Variants in ABCA6 observed in about 807,000 individuals in gnomAD.
ABCA6 encodes ATP binding cassette subfamily A member 6, also known as ATP-binding cassette sub-family A member 6.
In ABCA6, 164 loss-of-function variants were observed where a neutral mutation model predicts 191.2. The observed-to-expected ratio is 0.86, with a 90% CI of 0.76 to 0.98. The LOEUF is 0.98. Among genes scored for constraint, ABCA6 ranks in the 50% least tolerant of loss-of-function variants. The pLI is 0.00. For synonymous variants in ABCA6, 636 were observed against 647.7 expected (o/e 0.98, Z 0.27); for missense variants, 1,958 against 1,894.1 (o/e 1.03, Z -0.63).
At chr17:69,110,417 C>A in intron 17 of ABCA6, 1 of 186,116 alleles carries the variant, frequency 5.4e-6, no homozygotes, top group Non-Finnish European at 1.1e-5. Flanking sequence ...CGTAGGCATC[C>A]CTTAATCAAC....
rs2073404087 is a variant in ABCA6, at chr17:69,110,633, G to A, written c.2272+168C>T. 4.2e-6 allele frequency: 3 copies of A among 711,810 alleles called. No homozygotes were observed. In the Admixed American group the frequency reaches 9.7e-5, roughly 23 times the overall value. 44.1% of individuals were successfully genotyped at this position (711,810 alleles called of 1,614,324 possible). A position where few individuals can be genotyped will look rare whatever the true frequency, so the allele number is the denominator to read the frequency against. ...CATTATCTGCTGGTGCTTCCACGAA[G>A]CAACTACCCAATAAATCAGTGGCAC... On this transcript the variant is annotated intron_variant, in intron 17 of 38. Transcript: ENST00000284425.
rs758265086 is a variant in ABCA6, at chr17:69,113,350, A to G, written c.1913T>C (p.Leu638Ser). 1 of 1,592,312 alleles carries G rather than the reference A, an allele frequency of 6.3e-7. No homozygotes were observed. Among genetic ancestry groups the G allele is most frequent in the Non-Finnish European group, 8.5e-7 (1 of 1,174,708 alleles). Residue 638 changes from leucine to serine, a missense_variant, in exon 15 of 39, where the codon TTA becomes TCA. Leu to Ser is a moderately radical substitution (Grantham distance 145). Coordinates refer to ENST00000284425, the MANE Select transcript of ABCA6 (RefSeq NM_080284.3). ...ATCCAATCCAGTAGTTGGTTCATCT[A>G]AAAGCAAAATCTACAGAGAATGAAG... ...TILGDPQILL[L>S]DEPTTGLDPF...
intron 37 of ABCA6, 66 bp from the exon 38 acceptor site, chr17:69,079,331 A>T (rs2072572509): frequency 1.6e-6 from 2 of 1,288,176 alleles, no homozygotes; most frequent in Non-Finnish European, 2.2e-6. Context: ...AATTTTTTCA[A>T]AATCATAAAG....
chr17:69,103,445 A>C (rs1323610826), intron 20 of ABCA6, among the ~76,000 whole-genome samples: 1 of 152,216 alleles, frequency 6.6e-6, no homozygotes, highest in Non-Finnish European at 1.5e-5. Context: ...ATTTACGTAC[A>C]TATTCCATAC....
intron 6 of ABCA6, among the ~76,000 whole-genome samples, chr17:69,131,607 G>T (rs1452594272): frequency 1.3e-5 from 2 of 152,040 alleles, no homozygotes; most frequent in African/African-American, 2.4e-5. Context: ...TATACTTAAA[G>T]AATAAATACT....
At chr17:69,112,134 A>G (rs1289046741) in intron 16 of ABCA6, 49 bp downstream of exon 16, 1 of 1,323,032 alleles carries the variant, frequency 7.6e-7, no homozygotes, top group Non-Finnish European at 1.1e-6. Flanking sequence ...CCTTTTTCAT[A>G]TACCAGTATT....
intron 23 of ABCA6, 129 bp from the exon 24 acceptor site, chr17:69,096,930 A>T (rs1451930089): frequency 1.6e-5 from 12 of 730,048 alleles, no homozygotes; most frequent in Non-Finnish European, 2.3e-5. Flanking sequence ...ATTAAAAAAA[A>T]TTATGCATAT....
At chr17:69,100,420 C>A (rs1454407400) in intron 22 of ABCA6, among the ~76,000 whole-genome samples, 1 of 152,152 alleles carries the variant, frequency 6.6e-6, no homozygotes, top group Non-Finnish European at 1.5e-5. Context: ...CACATTTAGT[C>A]AATGGAGGGT....
chr17:69,115,620 C>T, intron 11 of ABCA6, 134 bp from the exon 12 acceptor site: 1 of 522,954 alleles, frequency 1.9e-6, no homozygotes, highest in Admixed American at 3.5e-5. Context: ...CTTTAAAATA[C>T]ACAATGATCA....
At chr17:69,132,915 C>G (rs1173200424) in intron 6 of ABCA6, among the ~76,000 whole-genome samples, 2 of 151,934 alleles carry the variant, frequency 1.3e-5, no homozygotes, top group African/African-American at 4.8e-5. Context: ...TGTACACATG[C>G]TCATGTATGC....
intron 9 of ABCA6, among the ~76,000 whole-genome samples, chr17:69,124,159 T>C (rs914695372): frequency 2.0e-5 from 3 of 151,980 alleles, no homozygotes; most frequent in Non-Finnish European, 4.4e-5. Context: ...AAATATATTT[T>C]TCCAGTTTAA....
At chr17:69,127,384 G>T (rs912511572) in intron 8 of ABCA6, among the ~76,000 whole-genome samples, 4 of 151,936 alleles carry the variant, frequency 2.6e-5, no homozygotes, top group Non-Finnish European at 2.9e-5. Flanking sequence ...GAAAAATGTC[G>T]GATGTTCAAC....
Position 69,083,259 on chromosome 17 carries a change from C to A in ABCA6, c.4428G>T (p.Ala1476=), listed in dbSNP as rs201702880. The A allele has an allele frequency of 6.2e-7, 1 of 1,610,752 alleles. No homozygotes were observed. The highest frequency in any genetic ancestry group is 1.1e-5 in the South Asian group (1 of 90,500). The change falls in exon 35 of 39, where the codon GCG becomes GCT. Residue 1476 remains alanine (A), a synonymous_variant. Transcript: ENST00000284425. Reference sequence around the variant, plus strand: ...TGGCCACACGGTCACACAAGGCTTCCGCCTCAGCCAGGTTATGGGTGGTCA... The same window carrying A: ...TGGCCACACGGTCACACAAGGCTTCAGCCTCAGCCAGGTTATGGGTGGTCA... ...VLLTTHNLAE[A]EALCDRVAIM...
intron 21 of ABCA6, among the ~76,000 whole-genome samples, chr17:69,101,595 C>CAAAA (rs528243690): frequency 1.3e-5 from 1 of 75,696 alleles, no homozygotes. Context: ...GACTCTGTCT[C>CAAAA]AAAAAAAAAA....
chr17:69,113,313 T>A lies in ABCA6; in HGVS notation c.1950A>T (p.Arg650Ser). 1.9e-6 allele frequency: 3 copies of A among 1,594,836 alleles called. No individual in the cohort carries two copies. The highest frequency in any genetic ancestry group is 2.6e-6 in the Non-Finnish European group (3 of 1,175,330). Reference protein sequence around the residue: ...EPTTGLDPFSRDQVWSLLRER... With the variant: ...EPTTGLDPFSSDQVWSLLRER... Reference sequence around the variant, plus strand: ...CTCTCAGGAGGCTCCACACTTGATCTCTGGAAAAGGGATCCAATCCAGTAG... The same window carrying A: ...CTCTCAGGAGGCTCCACACTTGATCACTGGAAAAGGGATCCAATCCAGTAG... Residue 650 changes from arginine (R) to serine (S), a missense_variant, in exon 15 of 39, where the codon AGA becomes AGT. Transcript: ENST00000284425.
At chr17:69,115,609 A>G in intron 11 of ABCA6, 123 bp from the exon 12 acceptor site, 1 of 556,954 alleles carries the variant, frequency 1.8e-6, no homozygotes, top group East Asian at 2.9e-5. Context: ...GCATTTCAAT[A>G]CTTTAAAATA....
chr17:69,079,259 T>C lies in ABCA6; in HGVS notation c.4703A>G (p.His1568Arg), dbSNP rs1462293121. ...GCTGTATTCTTCCAGGTTAAAGTTA[T>C]GCTTCACTGGAGGAAAAAAAAGACT... Reference protein sequence around the residue: ...QTFHKLEAVKHNFNLEEYSLS... With the variant: ...QTFHKLEAVKRNFNLEEYSLS... The change falls in exon 38 of 39, where the codon CAT (histidine) becomes CGT (arginine). Residue 1568 changes from histidine to arginine, a missense_variant. Transcript: ENST00000284425. 6.2e-7 allele frequency: 1 copy of C among 1,604,890 alleles called. No homozygotes were observed. The highest frequency in any genetic ancestry group is 1.1e-5 in the South Asian group (1 of 88,482).
At chr17:69,087,694 GA>G in intron 28 of ABCA6, 1 of 574,676 alleles carries the variant, frequency 1.7e-6, no homozygotes, top group Non-Finnish European at 3.0e-6. Flanking sequence ...AAGAATCTTT[GA>G]CCCTTTCAAA....
At position 69,084,266 on chromosome 17, in the gene ABCA6, T is replaced by C. The variant is rs2072713960; in HGVS notation, c.4350A>G (p.Gln1450=). The C allele has an allele frequency of 6.2e-7, 1 of 1,613,886 alleles. No individual in the cohort carries two copies. Among genetic ancestry groups the C allele is most frequent in the Non-Finnish European group, 8.5e-7 (1 of 1,179,908 alleles). The change falls in exon 34 of 39, where the codon CAA becomes CAG. Residue 1450 remains glutamine, a synonymous_variant. Coordinates refer to ENST00000284425, the MANE Select transcript of ABCA6 (RefSeq NM_080284.3). The stretch of plus-strand genomic sequence containing the variant: ...TGGGGTATAATGATGCTCACCACAT[T>C]TGCTGCTGCCCTGTGGGGTCTATGC... ...STGIDPTGQQ[Q]MWQAIQAVVK...
Sources: gnomAD v4.1 joint callset for allele counts (sites outside exome capture counted in the v4.1 genomes callset) on GRCh38, gnomAD v4.1.1 for gene constraint, MANE v1.5 for transcripts, NCBI Gene and HGNC (gene_info 2026-07-23, HGNC 2026-07-21) for gene names.